The following SLIT1 variants were observed in gnomAD, a reference collection of about 807,000 sequenced individuals.
The protein encoded by SLIT1 is slit guidance ligand 1.
Under a neutral mutation model 186.1 loss-of-function variants are expected in SLIT1, and 66 were observed. The ratio of observed to expected loss-of-function variants is 0.35; its 90% CI spans 0.29 to 0.44. SLIT1 has a LOEUF of 0.44. SLIT1 is among the 20% of genes least tolerant of loss of function. SLIT1 has a pLI of 1.00. For missense variants in SLIT1, 1,638 were observed against 2,037.4 expected (o/e 0.80, Z 3.77); for synonymous variants, 761 against 833.8 (o/e 0.91, Z 1.50).
chr10:97,081,948 C>T (rs112846990), intron 4 of SLIT1, among the ~76,000 whole-genome samples: 2,914 of 152,328 alleles, frequency 0.019, 92 homozygotes, highest in African/African-American at 0.066. Flanking sequence ...GTCTACTCAG[C>T]TCTTCTTTCT....
chr10:97,082,498 G>T (rs1299770982), intron 4 of SLIT1, among the ~76,000 whole-genome samples: 1 of 151,936 alleles, frequency 6.6e-6, no homozygotes, highest in Admixed American at 6.6e-5. Flanking sequence ...GCAGTGGCAT[G>T]ATCTCGGCTC....
rs577942384 is a variant in SLIT1 at position 97,185,465 on chromosome 10, G to A, written c.197+13C>T. On this transcript the variant is annotated intron_variant, in intron 1 of 36. Transcript: ENST00000266058. The stretch of plus-strand genomic sequence containing the variant: ...CTCGGAGCCAGGGAGCCAGGGGCGG[G>A]GACCATACTCACAGGCGCTCGGTGT... 25 of 1,609,464 alleles carry A rather than the reference G, an allele frequency of 1.6e-5. No homozygotes were observed. The highest frequency in any genetic ancestry group is 2.2e-5 in the East Asian group (1 of 44,692).
In SLIT1 at chr10:97,068,281, C is replaced by G. The variant is rs74152129; in HGVS notation, c.414-2195G>C. ...TGGGGTTCGAGGCCTGGCCCTCCCCCTCCTGGCCATACATCTGCAAGGCAC... is the reference window on the plus strand; with the variant it reads ...TGGGGTTCGAGGCCTGGCCCTCCCCGTCCTGGCCATACATCTGCAAGGCAC... On this transcript the variant is annotated intron_variant, in intron 4 of 36. Coordinates refer to ENST00000266058, the MANE Select transcript of SLIT1 (RefSeq NM_003061.3). The surrounding 1 kb of genome is among the most constrained non-coding windows in gnomAD (Gnocchi z 4.2). 2.0e-5 allele frequency among the ~76,000 whole-genome samples: 3 copies of G among 152,124 alleles called. No individual in the cohort carries two copies. The highest frequency in any genetic ancestry group is 4.4e-5 in the Non-Finnish European group (3 of 68,004).
At chr10:97,121,395 G>A (rs889261682) in intron 4 of SLIT1, among the ~76,000 whole-genome samples, 1 of 152,132 alleles carries the variant, frequency 6.6e-6, no homozygotes, top group Non-Finnish European at 1.5e-5. Flanking sequence ...AACATGTGCA[G>A]AGCCCCACCA....
intron 11 of SLIT1, 36 bp from the exon 12 acceptor site, chr10:97,057,317 C>A: frequency 6.3e-7 from 1 of 1,581,216 alleles, no homozygotes; most frequent in Non-Finnish European, 8.7e-7. Flanking sequence ...GGTTAGAGGA[C>A]AGCCCACCAG....
chr10:97,124,083 C>T (rs1849583455), intron 4 of SLIT1, among the ~76,000 whole-genome samples: 1 of 152,174 alleles, frequency 6.6e-6, no homozygotes. Context: ...GCGGAAGCCT[C>T]GGGGGTGAGA....
At chr10:97,137,980 T>C (rs758200610) in intron 4 of SLIT1, among the ~76,000 whole-genome samples, 1 of 152,254 alleles carries the variant, frequency 6.6e-6, no homozygotes, top group Non-Finnish European at 1.5e-5. Context: ...GTAGCAGAGC[T>C]ATTGGATTCC....
chr10:97,030,807 G>A lies in SLIT1; in HGVS notation c.2532C>T (p.Ile844=). The A allele has an allele frequency of 6.8e-6, 11 of 1,614,056 alleles. No homozygotes were observed. The highest frequency in any genetic ancestry group is 9.3e-6 in the Non-Finnish European group (11 of 1,179,982). Residue 844 remains isoleucine (I), a synonymous_variant, in exon 25 of 37, where the codon ATC becomes ATT. Transcript: ENST00000266058. ...LRLLSLHGND[I]STLQEGIFAD... is the part of the protein sequence containing the mutation. The stretch of plus-strand genomic sequence containing the variant: ...CAAAGATGCCCTCTTGGAGGGTGGA[G>A]ATGTCATTGCCGTGGAGAGACCTGA...
Position 97,034,560 on chromosome 10 carries a change from A to C in SLIT1, c.2367-18T>G. The C allele has an allele frequency of 6.2e-7, 1 of 1,608,388 alleles. No homozygotes were observed. Among genetic ancestry groups the C allele is most frequent in the Non-Finnish European group, 8.5e-7 (1 of 1,174,974 alleles). ...TCAGGTCCCTGGAAAAGGCAAAGGC[A>C]TCATGATTTAGAAAGAACTCACTCA... On this transcript the variant is annotated intron_variant, in intron 22 of 36. Coordinates refer to ENST00000266058, the MANE Select transcript of SLIT1 (RefSeq NM_003061.3).
chr10:97,064,752 C>T (rs376351492), intron 6 of SLIT1, 53 bp downstream of exon 6: 49 of 1,404,052 alleles, frequency 3.5e-5, no homozygotes, highest in Middle Eastern at 4.4e-4. Flanking sequence ...GCACTTGGCA[C>T]CTGCCTAGCA....
At chr10:97,113,922 G>A (rs1014717069) in intron 4 of SLIT1, among the ~76,000 whole-genome samples, 17 of 152,090 alleles carry the variant, frequency 1.1e-4, no homozygotes, top group African/African-American at 2.2e-4. Flanking sequence ...ACATGCCCAC[G>A]GTCACATGGA....
At chr10:97,100,162 CTT>C (rs1849335993) in intron 4 of SLIT1, among the ~76,000 whole-genome samples, 1 of 152,096 alleles carries the variant, frequency 6.6e-6, no homozygotes, top group Admixed American at 6.5e-5. Context: ...AGCACAGAGA[CTT>C]TGACTCAGAA....
intron 28 of SLIT1, 140 bp from the exon 29 acceptor site, chr10:97,014,298 AGAGGT>A: frequency 1.1e-6 from 1 of 907,064 alleles, no homozygotes; most frequent in Non-Finnish European, 1.7e-6. Context: ...GGGTAGGGTT[AGAGGT>A]GACCAAGACT....
intron 4 of SLIT1, among the ~76,000 whole-genome samples, chr10:97,112,504 T>C (rs778743456): frequency 6.6e-6 from 1 of 152,156 alleles, no homozygotes; most frequent in Non-Finnish European, 1.5e-5. Context: ...TCCACACTCA[T>C]GGGCAGGACC....
intron 2 of SLIT1, among the ~76,000 whole-genome samples, chr10:97,164,426 G>GA (rs1313848443): frequency 6.6e-6 from 1 of 152,206 alleles, no homozygotes; most frequent in Non-Finnish European, 1.5e-5. Flanking sequence ...ACTCAGAAGG[G>GA]ACACACCCAG....
intron 4 of SLIT1, among the ~76,000 whole-genome samples, chr10:97,105,432 T>C (rs561538687): frequency 1.3e-5 from 2 of 152,114 alleles, no homozygotes; most frequent in East Asian, 3.9e-4. Flanking sequence ...AAGAACCAGA[T>C]GAAAGGGAAC....
At chr10:97,016,521 G>C in intron 28 of SLIT1, among the ~76,000 whole-genome samples, 1 of 152,094 alleles carries the variant, frequency 6.6e-6, no homozygotes, top group East Asian at 1.9e-4. Flanking sequence ...TCAGCCTCCT[G>C]AGAAGCTGGG....
At chr10:97,063,678 G>A in intron 7 of SLIT1, 60 bp from the exon 8 acceptor site, 40 of 1,506,080 alleles carry the variant, frequency 2.7e-5, no homozygotes, top group Non-Finnish European at 3.6e-5. Context: ...CCTGATTGTG[G>A]GAACCCCAAT....
rs749627295 is a variant in SLIT1 at position 97,068,482 on chromosome 10, G to A, written c.414-2396C>T. The stretch of plus-strand genomic sequence containing the variant: ...CCTTTAGAAAAGCAGCCAGGCACCC[G>A]TGTCTGAAGGGGCCTTGGCACCATC... On this transcript the variant is annotated intron_variant, in intron 4 of 36. Coordinates refer to ENST00000266058, the MANE Select transcript of SLIT1 (RefSeq NM_003061.3). The surrounding 1 kb of genome is among the most constrained non-coding windows in gnomAD (Gnocchi z 4.2). Among the ~76,000 whole-genome samples, 8 of 152,000 alleles carry A rather than the reference G, an allele frequency of 5.3e-5. 1 individual carries two copies. The highest frequency in any genetic ancestry group is 1.2e-4 in the African/African-American group (5 of 41,378).
Sources: gnomAD v4.1 joint callset for allele counts (sites outside exome capture counted in the v4.1 genomes callset) on GRCh38, gnomAD v4.1.1 for gene constraint, Gnocchi (gnomAD v3.1) non-coding constraint, MANE v1.5 for transcripts, NCBI Gene and HGNC (gene_info 2026-07-23, HGNC 2026-07-21) for gene names.